SLC30A9: variants seen among roughly 807,000 people sequenced by gnomAD.
The protein encoded by SLC30A9 is solute carrier family 30 member 9, also known as proton-coupled zinc antiporter SLC30A9, mitochondrial.
In SLC30A9, 58 loss-of-function variants were observed where a neutral mutation model predicts 87.5. That is an observed-to-expected ratio of 0.66 (90% CI 0.54 to 0.82). The LOEUF is 0.82. Ranked by LOEUF, SLC30A9 falls within the 40% of genes least tolerant of loss-of-function variation. SLC30A9 has a pLI of 0.00. For synonymous variants in SLC30A9, 234 were observed against 233.0 expected (o/e 1.00, Z -0.04); for missense variants, 557 against 679.1 (o/e 0.82, Z 2.00).
At chr4:42,008,958 A>G (rs891971267) in intron 2 of SLC30A9, among the ~76,000 whole-genome samples, 7 of 152,222 alleles carry the variant, frequency 4.6e-5, no homozygotes, top group African/African-American at 1.7e-4. Flanking sequence ...AAGAATGCAG[A>G]GTGTAATGAG....
At chr4:42,038,273 CTTT>C (rs1716773640) in intron 7 of SLC30A9, among the ~76,000 whole-genome samples, 2 of 152,130 alleles carry the variant, frequency 1.3e-5, no homozygotes, top group African/African-American at 4.8e-5. Context: ...CCGAGTGAAT[CTTT>C]TTCCTTATTT....
intron 7 of SLC30A9, among the ~76,000 whole-genome samples, chr4:42,037,235 CCTTCTT>C: frequency 8.4e-6 from 1 of 118,874 alleles, no homozygotes; most frequent in Admixed American, 9.9e-5. Context: ...AAATTAAATG[CCTTCTT>C]TTTTTTTTTT....
chr4:42,053,933 G>C (rs1717494728), intron 9 of SLC30A9, among the ~76,000 whole-genome samples: 1 of 152,122 alleles, frequency 6.6e-6, no homozygotes, highest in Non-Finnish European at 1.5e-5. Context: ...AAAAAAATTG[G>C]GAAAAATGGT....
chr4:42,049,478 A>G lies in SLC30A9; in HGVS notation c.839A>G (p.Gln280Arg), dbSNP rs762022876. ...AIHSLSDTCN[Q>R]GLLALGISKS... The stretch of plus-strand genomic sequence containing the variant: ...CACTCATTATCTGATACTTGTAATC[A>G]GGTGAGGACTAAAGCTTTTTTTATA... Residue 280 changes from glutamine (Q) to arginine (R), a missense_variant and splice_region_variant, in exon 9 of 18, where the codon CAG (glutamine) becomes CGG (arginine). Transcript: ENST00000264451. 7.2e-6 allele frequency: 11 copies of G among 1,521,376 alleles called. No individual in the cohort carries two copies. Among genetic ancestry groups the G allele is most frequent in the East Asian group, 4.6e-5 (2 of 43,100 alleles). 94.2% of individuals were successfully genotyped at this position (1,521,376 alleles called of 1,614,324 possible).
At chr4:42,077,188 A>G (rs1289338169) in intron 16 of SLC30A9, among the ~76,000 whole-genome samples, 2 of 152,106 alleles carry the variant, frequency 1.3e-5, no homozygotes, top group African/African-American at 2.4e-5. Context: ...CTTGCTTCCT[A>G]TTCTTACATG....
chr4:42,049,306 C>A, intron 8 of SLC30A9, 71 bp from the exon 9 acceptor site: 1 of 849,378 alleles, frequency 1.2e-6, no homozygotes, highest in Non-Finnish European at 2.0e-6. Context: ...AGATATACAG[C>A]TGATTGAGTA....
intron 1 of SLC30A9, among the ~76,000 whole-genome samples, chr4:41,993,648 T>C (rs1342109567): frequency 2.0e-5 from 3 of 152,192 alleles, no homozygotes; most frequent in Non-Finnish European, 2.9e-5. Flanking sequence ...TCTTAACTAC[T>C]GATTGAAAAC....
intron 17 of SLC30A9, among the ~76,000 whole-genome samples, chr4:42,083,610 TA>T (rs912318862): frequency 5.3e-5 from 8 of 151,952 alleles, no homozygotes; most frequent in South Asian, 2.1e-4. Context: ...GGCTTTTTTT[TA>T]AGATAAAGCT....
intron 6 of SLC30A9, among the ~76,000 whole-genome samples, chr4:42,032,729 G>T (rs1336245798): frequency 1.3e-5 from 2 of 152,148 alleles, no homozygotes; most frequent in Non-Finnish European, 2.9e-5. Flanking sequence ...CCTAATGTTG[G>T]TCAATGGAAG....
chr4:42,077,219 A>G lies in SLC30A9; in HGVS notation c.1549-993A>G, dbSNP rs183351493. ...ACATGATTGTATTAATAGAGTTATT[A>G]AATTTTTGCCAGTTTGATAGGTGTG... On this transcript the variant is annotated intron_variant, in intron 16 of 17. Coordinates refer to ENST00000264451, the MANE Select transcript of SLC30A9 (RefSeq NM_006345.4). Among the ~76,000 whole-genome samples the G allele has an allele frequency of 4.2e-3, 634 of 152,222 alleles. 7 individuals are homozygous for G. The highest frequency in any genetic ancestry group is 0.014 in the African/African-American group (591 of 41,540).
chr4:42,073,168 G>A (rs1048738541), intron 15 of SLC30A9, among the ~76,000 whole-genome samples: 6 of 152,110 alleles, frequency 3.9e-5, no homozygotes, highest in Middle Eastern at 3.2e-3. Flanking sequence ...CCCGGCCTCT[G>A]TATCCGTTAC....
intron 1 of SLC30A9, among the ~76,000 whole-genome samples, chr4:41,993,923 G>A (rs539516974): frequency 3.3e-5 from 5 of 152,232 alleles, no homozygotes; most frequent in South Asian, 2.1e-4. Flanking sequence ...TTGGGAGGCC[G>A]AGGTAGGGGG....
intron 1 of SLC30A9, among the ~76,000 whole-genome samples, chr4:41,996,276 A>T (rs920206379): frequency 2.0e-5 from 3 of 150,984 alleles, no homozygotes; most frequent in Admixed American, 6.6e-5. Flanking sequence ...TTGTGTTTTT[A>T]GTAGAGATGG....
chr4:42,046,103 T>G, intron 8 of SLC30A9, among the ~76,000 whole-genome samples: 1 of 152,130 alleles, frequency 6.6e-6, no homozygotes, highest in East Asian at 1.9e-4. Context: ...AAAGAGCTAT[T>G]TATGACAAAC....
At chr4:42,003,127 A>T (rs1715056128) in intron 2 of SLC30A9, among the ~76,000 whole-genome samples, 1 of 152,064 alleles carries the variant, frequency 6.6e-6, no homozygotes, top group Non-Finnish European at 1.5e-5. Flanking sequence ...CATCATTGTA[A>T]ATTTACAGAT....
Position 42,067,169 on chromosome 4 carries a change from G to T in SLC30A9, c.1229G>T (p.Cys410Phe). The T allele has an allele frequency of 1.2e-6, 2 of 1,603,788 alleles. No homozygotes were observed. The highest frequency in any genetic ancestry group is 4.5e-5 in the East Asian group (2 of 44,692). Residue 410 changes from cysteine (C) to phenylalanine (F), a missense_variant, in exon 14 of 18, where the codon TGC becomes TTC. By Grantham distance (205) the Cys-to-Phe change is radical. Coordinates refer to ENST00000264451, the MANE Select transcript of SLC30A9 (RefSeq NM_006345.4). ...TTGGGAGTTATAATAGCAGCCACTTGCATGGGCCTTACTTCTATAACAGGT... is the reference window on the plus strand; with the variant it reads ...TTGGGAGTTATAATAGCAGCCACTTTCATGGGCCTTACTTCTATAACAGGT... ...AVLGVIIAAT[C>F]MGLTSITGNP...
At chr4:42,081,770 ACAAT>A (rs1258205633) in intron 17 of SLC30A9, among the ~76,000 whole-genome samples, 2 of 152,214 alleles carry the variant, frequency 1.3e-5, no homozygotes, top group African/African-American at 4.8e-5. Flanking sequence ...TACTCTTACA[ACAAT>A]CAGACCTTAT....
At chr4:42,045,668 TC>T (rs1717120483) in intron 8 of SLC30A9, among the ~76,000 whole-genome samples, 1 of 151,802 alleles carries the variant, frequency 6.6e-6, no homozygotes, top group Non-Finnish European at 1.5e-5. Context: ...TACCATTTCT[TC>T]TGAAACTATT....
chr4:42,028,312 G>A (rs1338017940), intron 6 of SLC30A9, among the ~76,000 whole-genome samples: 2 of 152,036 alleles, frequency 1.3e-5, no homozygotes, highest in Admixed American at 1.3e-4. Flanking sequence ...GTAGAGATGG[G>A]GTTTCACCAT....
Sources: gnomAD v4.1 joint callset for allele counts (sites outside exome capture counted in the v4.1 genomes callset) on GRCh38, gnomAD v4.1.1 for gene constraint, MANE v1.5 for transcripts, NCBI Gene and HGNC (gene_info 2026-07-23, HGNC 2026-07-21) for gene names.